Variants in C14orf132 observed in about 807,000 individuals in gnomAD.
The protein encoded by C14orf132 is uncharacterized protein C14orf132.
C14orf132 carries 6 observed loss-of-function variants against 5.8 expected under a neutral mutation model. That is an observed-to-expected ratio of 1.03 (90% confidence interval 0.57 to 2.04). The LOEUF (loss-of-function observed/expected upper bound fraction) is 2.04. Among genes scored for constraint, C14orf132 ranks in the 30% most tolerant of loss-of-function variants. C14orf132 has a pLI of 0.00. For synonymous variants in C14orf132, 51 were observed against 49.8 expected (o/e 1.02, Z -0.10); for missense variants, 125 against 115.8 (o/e 1.08, Z -0.37).
Position 96,039,758 on chromosome 14 carries a change from TC to T in C14orf132, c.27+234del. On this transcript the variant is annotated intron_variant, in intron 1 of 1. Coordinates refer to ENST00000555004, the MANE Select transcript of C14orf132 (RefSeq NM_001252507.3). The surrounding 1 kb of genome is among the most constrained non-coding windows in gnomAD (Gnocchi z 5.3). ...CCCGCACCCCCGCGGCTCGAGCTGT[TC>T]CCGCCCGGGCCCCTCTCGTTGGCAG... 6.6e-6 allele frequency among the ~76,000 whole-genome samples: 1 copy of T among 152,044 alleles called. No homozygotes were observed. The highest frequency in any genetic ancestry group is 2.0e-4 in the East Asian group (1 of 5,110).
intron 1 of C14orf132, among the ~76,000 whole-genome samples, chr14:96,077,826 C>A (rs1307435721): frequency 1.3e-5 from 2 of 152,246 alleles, no homozygotes; most frequent in African/African-American, 4.8e-5. Flanking sequence ...GTGCACCCCT[C>A]AGGGGTTAGT....
At chr14:96,080,189 G>A (rs928622329) in intron 1 of C14orf132, among the ~76,000 whole-genome samples, 1 of 152,058 alleles carries the variant, frequency 6.6e-6, no homozygotes, top group African/African-American at 2.4e-5. Context: ...GACCTTAGAT[G>A]TCACCCCATC....
In C14orf132 at chr14:96,086,735, A is replaced by G. The variant is rs896418644; in HGVS notation, c.252A>G (p.Ter84TrpextTer15). The G allele has an allele frequency of 1.3e-6, 2 of 1,535,760 alleles. No homozygotes were observed. Among genetic ancestry groups the G allele is most frequent in the African/African-American group, 2.7e-5 (2 of 73,032 alleles). Residue 84 changes from the stop codon to tryptophan (W), a stop_lost, in exon 2 of 2, where the codon TGA becomes TGG. Transcript: ENST00000555004. ...VVGVVYAFTF[*>W] ...GCGTGGTGTATGCCTTCACCTTCTG[A>G]GGACGGCACACCCTGCACCACCATG...
chr14:96,046,002 G>A (rs1224935667), intron 1 of C14orf132, among the ~76,000 whole-genome samples: 1 of 152,116 alleles, frequency 6.6e-6, no homozygotes, highest in Non-Finnish European at 1.5e-5. Flanking sequence ...ATCCTGCAAG[G>A]GCTTCTTCAG....
chr14:96,042,260 GC>G (rs762072497), intron 1 of C14orf132, among the ~76,000 whole-genome samples: 2 of 152,236 alleles, frequency 1.3e-5, no homozygotes, highest in Non-Finnish European at 2.9e-5. Context: ...GTGCAGGAGG[GC>G]TGGGAGACAG....
intron 1 of C14orf132, among the ~76,000 whole-genome samples, chr14:96,063,052 C>T (rs1334967972): frequency 6.6e-6 from 1 of 152,074 alleles, no homozygotes; most frequent in Non-Finnish European, 1.5e-5. Context: ...AAAATTTTTT[C>T]ATCTGATGCT....
chr14:96,075,905 G>A (rs1887852196), intron 1 of C14orf132, among the ~76,000 whole-genome samples: 1 of 152,176 alleles, frequency 6.6e-6, no homozygotes, highest in South Asian at 2.1e-4. Context: ...GAGTAATGCT[G>A]CCTCATTAAG....
At chr14:96,045,189 A>G (rs1205090844) in intron 1 of C14orf132, among the ~76,000 whole-genome samples, 1 of 152,196 alleles carries the variant, frequency 6.6e-6, no homozygotes, top group Admixed American at 6.5e-5. Flanking sequence ...AGGTTAAGGG[A>G]TGTGCCTCAG....
At chr14:96,049,821 T>G (rs1034845876) in intron 1 of C14orf132, among the ~76,000 whole-genome samples, 2 of 150,456 alleles carry the variant, frequency 1.3e-5, no homozygotes, top group African/African-American at 4.9e-5. Flanking sequence ...TTATTATTGA[T>G]ATGTCTTCAA....
Position 96,081,556 on chromosome 14 carries a change from G to A in C14orf132, c.28-4955G>A, listed in dbSNP as rs57395809. 8.0e-3 allele frequency among the ~76,000 whole-genome samples: 1,226 copies of A among 152,328 alleles called. 11 individuals carry two copies. Among genetic ancestry groups the A allele is most frequent in the African/African-American group, 0.028 (1,161 of 41,564 alleles). On this transcript the variant is annotated intron_variant, in intron 1 of 1. Transcript: ENST00000555004. The stretch of plus-strand genomic sequence containing the variant: ...GGAAGAGCCCTGCCTTCGGAAAAGC[G>A]TAGGCAGAAAATACAGCCTTCTGTC...
At chr14:96,076,426 G>C (rs1262741435) in intron 1 of C14orf132, among the ~76,000 whole-genome samples, 1 of 152,058 alleles carries the variant, frequency 6.6e-6, no homozygotes, top group Non-Finnish European at 1.5e-5. Context: ...ATTGAGTTTT[G>C]TTCTTATCTC....
intron 1 of C14orf132, among the ~76,000 whole-genome samples, chr14:96,048,438 A>G (rs1480652445): frequency 3.3e-5 from 5 of 152,188 alleles, no homozygotes. Context: ...GGAATTATTC[A>G]GTATGTAGCT....
At chr14:96,073,313 C>T (rs368927791) in intron 1 of C14orf132, among the ~76,000 whole-genome samples, 1 of 152,112 alleles carries the variant, frequency 6.6e-6, no homozygotes, top group African/African-American at 2.4e-5. Context: ...TTTAGCTGTT[C>T]AGATCTTTTA....
intron 1 of C14orf132, among the ~76,000 whole-genome samples, chr14:96,071,593 G>A (rs146418575): frequency 1.3e-5 from 2 of 152,306 alleles, no homozygotes; most frequent in Non-Finnish European, 2.9e-5. Flanking sequence ...TGCCCCCTGG[G>A]GATCCCCAGT....
intron 1 of C14orf132, among the ~76,000 whole-genome samples, chr14:96,059,885 G>A (rs1887296046): frequency 6.6e-6 from 1 of 152,152 alleles, no homozygotes; most frequent in Non-Finnish European, 1.5e-5. Flanking sequence ...AGGTCCTTGG[G>A]CCAACTGTTG....
rs1886620090 is a variant in C14orf132 at position 96,039,414 on chromosome 14, C to T, written c.-87C>T. 3 of 1,350,876 alleles carry T rather than the reference C, an allele frequency of 2.2e-6. No individual in the cohort carries two copies. The highest frequency in any genetic ancestry group is 2.9e-6 in the Non-Finnish European group (3 of 1,030,308). 83.7% of individuals were successfully genotyped at this position (1,350,876 alleles called of 1,614,324 possible). On this transcript the variant is annotated 5_prime_UTR_variant, in exon 1 of 2. Coordinates refer to ENST00000555004, the MANE Select transcript of C14orf132 (RefSeq NM_001252507.3). This position sits in a 1 kb window ranked among gnomAD's most constrained non-coding sequence, Gnocchi z 5.3. ...GTGCGGTCTCCGGACGCTCGCTGCTCAGCCCGATCCCCGCCAACTGTGCAG... is the reference window on the plus strand; with the variant it reads ...GTGCGGTCTCCGGACGCTCGCTGCTTAGCCCGATCCCCGCCAACTGTGCAG...
rs545643289 is a variant in C14orf132 at position 96,049,518 on chromosome 14, A to ATG, written c.27+9992_27+9993insGT. On this transcript the variant is annotated intron_variant, in intron 1 of 1. Transcript: ENST00000555004. The stretch of plus-strand genomic sequence containing the variant: ...TATACGTATATATACGTATATACGT[A>ATG]TATATATACACATATATACATACGT... Among the ~76,000 whole-genome samples the ATG allele has an allele frequency of 1.1e-3, 160 of 143,530 alleles. 4 individuals carry two copies. The highest frequency in any genetic ancestry group is 3.6e-3 in the African/African-American group (141 of 39,426). The allele number at this position is 143,530 out of a possible 152,430, so 94.2% of individuals were successfully genotyped here. A position where few individuals can be genotyped will look rare whatever the true frequency, so the allele number is the denominator to read the frequency against.
chr14:96,071,585 C>T (rs542815949), intron 1 of C14orf132, among the ~76,000 whole-genome samples: 3 of 152,180 alleles, frequency 2.0e-5, no homozygotes, highest in South Asian at 2.1e-4. Flanking sequence ...ACACACACTG[C>T]CCCCTGGGGA....
At chr14:96,040,289 C>A (rs1886656196) in intron 1 of C14orf132, 1 of 398,588 alleles carries the variant, frequency 2.5e-6, no homozygotes, top group East Asian at 3.6e-5. Context: ...AAGACAAATC[C>A]CGGATTTCTC....
Sources: allele counts gnomAD v4.1 joint callset (sites outside exome capture counted in the v4.1 genomes callset), GRCh38; gene constraint gnomAD v4.1.1; non-coding constraint Gnocchi (gnomAD v3.1); transcripts MANE v1.5; gene names NCBI Gene and HGNC (gene_info 2026-07-23, HGNC 2026-07-21).